SASH1: variants seen among roughly 807,000 people sequenced by gnomAD.
SASH1 encodes SAM and SH3 domain containing 1.
In SASH1, 44 loss-of-function variants were observed where a neutral mutation model predicts 125.2. The observed-to-expected ratio is 0.35, with a 90% CI of 0.28 to 0.45. The LOEUF is 0.45. Ranked by LOEUF, SASH1 falls within the 20% of genes least tolerant of loss-of-function variation. The pLI is 1.00. For missense variants in SASH1, 1,426 were observed against 1,614.5 expected (o/e 0.88, Z 2.00); for synonymous variants, 639 against 649.1 (o/e 0.98, Z 0.24).
rs10710533 is a variant in SASH1 at position 148,514,458 on chromosome 6, T to TAAAAAAAAAAAAA, written c.862+18_862+30dup. On this transcript the variant is annotated splice_region_variant and intron_variant, in intron 9 of 19. Transcript: ENST00000367467. Reference sequence around the variant, plus strand: ...AAATGAAAAAACCCAGCACTGAAGGTAAAAAAAAAAAAAAAAAAAAAAAAA... The same window carrying TAAAAAAAAAAAAA: ...AAATGAAAAAACCCAGCACTGAAGGTAAAAAAAAAAAAAAAAAAAAAAAAAAAAAAAAAAAAAA... The TAAAAAAAAAAAAA allele has an allele frequency of 2.0e-4, 116 of 573,360 alleles. 10 individuals are homozygous for TAAAAAAAAAAAAA. Among genetic ancestry groups the TAAAAAAAAAAAAA allele is most frequent in the East Asian group, 6.8e-4 (6 of 8,786 alleles). The allele number at this position is 573,360 out of a possible 1,614,324, so 35.5% of individuals were successfully genotyped here. A position where few individuals can be genotyped will look rare whatever the true frequency, so the allele number is the denominator to read the frequency against.
At chr6:148,455,990 G>T (rs1022121407) in intron 4 of SASH1, among the ~76,000 whole-genome samples, 1 of 152,066 alleles carries the variant, frequency 6.6e-6, no homozygotes, top group Non-Finnish European at 1.5e-5. Flanking sequence ...GCAGCCCCAG[G>T]CCCCACATCC....
intron 5 of SASH1, among the ~76,000 whole-genome samples, chr6:148,470,991 A>G (rs1778079854): frequency 6.6e-6 from 1 of 152,112 alleles, no homozygotes; most frequent in African/African-American, 2.4e-5. Context: ...GTAGATCAAC[A>G]ACAGAAATAA....
At chr6:148,337,931 C>G (rs558094646), upstream of SASH1, among the ~76,000 whole-genome samples, 1 of 152,132 alleles carries the variant, frequency 6.6e-6, no homozygotes, top group African/African-American at 2.4e-5. Context: ...CTAGAAAAAT[C>G]TTCTACGTCA....
At position 148,421,130 on chromosome 6, in the gene SASH1, G is replaced by A. The variant is rs1260332837; in HGVS notation, c.286-19054G>A. On this transcript the variant is annotated intron_variant, in intron 2 of 19. Transcript: ENST00000367467. ...AAGAAAGGAAAAGAAAGGAAGAAAG[G>A]AAGGAAGGAAGGAAGGAAGAAAGAA... Among the ~76,000 whole-genome samples, 217 of 58,128 alleles carry A rather than the reference G, an allele frequency of 3.7e-3. 7 individuals carry two copies. In the East Asian group the frequency reaches 0.063, roughly 17 times the overall value. The allele number at this position is 58,128 out of a possible 152,430, so 38.1% of individuals were successfully genotyped here.
chr6:148,290,843 C>T (rs1329140914), intron 1 of SASH1, among the ~76,000 whole-genome samples: 13 of 141,506 alleles, frequency 9.2e-5, no homozygotes, highest in African/African-American at 2.9e-4. Flanking sequence ...TCCCCCTCTC[C>T]GAGAAACACC....
At chr6:148,396,987 T>C (rs977415109) in intron 2 of SASH1, among the ~76,000 whole-genome samples, 2 of 151,958 alleles carry the variant, frequency 1.3e-5, no homozygotes, top group African/African-American at 4.9e-5. Context: ...AGAGTATCCA[T>C]TACTTGTACT....
intron 2 of SASH1, chr6:148,393,667 G>A: frequency 1.0e-6 from 1 of 981,304 alleles, no homozygotes; most frequent in Non-Finnish European, 1.2e-6. Flanking sequence ...TCAAACAGAT[G>A]GGGCTAATTT....
At position 148,543,991 on chromosome 6, in the gene SASH1, G is replaced by A. The variant is rs1782385142; in HGVS notation, c.2521G>A (p.Asp841Asn). 4.3e-6 allele frequency: 7 copies of A among 1,614,018 alleles called. No individual in the cohort carries two copies. Among genetic ancestry groups the A allele is most frequent in the Admixed American group, 1.7e-5 (1 of 59,992 alleles). Reference sequence around the variant, plus strand: ...CACTTGGCCCCGATCCCATTCCCTGGATGACCTTCAAGTGGAGCCTGGTGC... The same window carrying A: ...CACTTGGCCCCGATCCCATTCCCTGAATGACCTTCAAGTGGAGCCTGGTGC... ...VDTWPRSHSL[D>N]DLQVEPGAEQ... Residue 841 changes from aspartate to asparagine, a missense_variant, in exon 18 of 20, where the codon GAT becomes AAT. By Grantham distance (23) the Asp-to-Asn change is conservative. Coordinates refer to ENST00000367467, the MANE Select transcript of SASH1 (RefSeq NM_015278.5).
At chr6:148,526,438 A>G (rs1442680623) in intron 11 of SASH1, among the ~76,000 whole-genome samples, 1 of 152,142 alleles carries the variant, frequency 6.6e-6, no homozygotes, top group African/African-American at 2.4e-5. Context: ...TTCATGTTTC[A>G]TATTTGTTAT....
intron 1 of SASH1, among the ~76,000 whole-genome samples, chr6:148,353,496 G>A (rs1440192367): frequency 2.1e-5 from 3 of 144,392 alleles, no homozygotes; most frequent in South Asian, 2.2e-4. Context: ...GTGCAGTGGC[G>A]CGATCTCGGC....
At position 148,343,106 on chromosome 6, in the gene SASH1, T is replaced by TGAGCCCGAGCCCGAGCCCGAGCCG. The variant is rs76317765; in HGVS notation, c.56_57insCGAGCCGGAGCCCGAGCCCGAGCC (p.Glu16_Pro23dup). ...GAGCAGCTGGCCCGGGGCCGGAGCC[T>TGAGCCCGAGCCCGAGCCCGAGCCG]GAGCCCGAGCCCGAGCCGGAGCCCG... On this transcript the variant is annotated inframe_insertion, in exon 1 of 20. Transcript: ENST00000367467. 6 of 1,573,522 alleles carry TGAGCCCGAGCCCGAGCCCGAGCCG rather than the reference T, an allele frequency of 3.8e-6. No individual in the cohort carries two copies. Among genetic ancestry groups the TGAGCCCGAGCCCGAGCCCGAGCCG allele is most frequent in the Non-Finnish European group, 5.1e-6 (6 of 1,166,908 alleles).
intron 2 of SASH1, chr6:148,393,551 G>C (rs1783822907): frequency 4.2e-6 from 1 of 240,880 alleles, no homozygotes; most frequent in African/African-American, 2.3e-5. Flanking sequence ...CATGGTGTTT[G>C]GGAACTTTGG....
At chr6:148,346,919 G>T (rs1249320552) in intron 1 of SASH1, among the ~76,000 whole-genome samples, 1 of 152,154 alleles carries the variant, frequency 6.6e-6, no homozygotes, top group African/African-American at 2.4e-5. Flanking sequence ...TTCAAAGCAT[G>T]TCACTTCTCC....
intron 1 of SASH1, among the ~76,000 whole-genome samples, chr6:148,277,174 G>A (rs1779210304): frequency 6.6e-6 from 1 of 152,164 alleles, no homozygotes; most frequent in Non-Finnish European, 1.5e-5. Flanking sequence ...CACTCTTAAT[G>A]GAAATGACAA....
At chr6:148,298,769 A>AG (rs1444160230) in intron 1 of SASH1, among the ~76,000 whole-genome samples, 17 of 132,902 alleles carry the variant, frequency 1.3e-4, no homozygotes, top group Middle Eastern at 3.5e-3. Context: ...AGAGAGAAAG[A>AG]AAAAAGAAAG....
chr6:148,380,780 C>T lies in SASH1; in HGVS notation c.157-9354C>T, dbSNP rs556177966. Among the ~76,000 whole-genome samples, 6 of 152,252 alleles carry T rather than the reference C, an allele frequency of 3.9e-5. No individual in the cohort carries two copies. The South Asian group carries it at 1.0e-3, about 26-fold the overall frequency. On this transcript the variant is annotated intron_variant, in intron 1 of 19. Transcript: ENST00000367467. ...GCAGATTGGATTTTTCAGAGCCTTT[C>T]GTTCCAAAGAGATCTAATATTAAGC...
At chr6:148,351,206 T>C (rs1781716259) in intron 1 of SASH1, among the ~76,000 whole-genome samples, 1 of 151,328 alleles carries the variant, frequency 6.6e-6, no homozygotes, top group African/African-American at 2.4e-5. Context: ...TTTTTTTTTT[T>C]TTTTTTTTCT....
chr6:148,324,034 C>T (rs995371483), intron 1 of SASH1, among the ~76,000 whole-genome samples: 2 of 147,100 alleles, frequency 1.4e-5, no homozygotes, highest in South Asian at 2.1e-4. Flanking sequence ...GCAGGAGAAT[C>T]GCTTGAACCC....
intron 1 of SASH1, among the ~76,000 whole-genome samples, chr6:148,318,552 TTC>T (rs977858016): frequency 9.4e-6 from 1 of 106,804 alleles, no homozygotes; most frequent in African/African-American, 3.3e-5. Context: ...TACTACTAAT[TTC>T]TTTTTTTTTT....
Sources: gnomAD v4.1 joint callset for allele counts (sites outside exome capture counted in the v4.1 genomes callset) on GRCh38, gnomAD v4.1.1 for gene constraint, MANE v1.5 for transcripts, NCBI Gene and HGNC (gene_info 2026-07-23, HGNC 2026-07-21) for gene names.